The following DPYD variants were observed in gnomAD, a reference collection of about 807,000 sequenced individuals.
DPYD encodes the protein dihydropyrimidine dehydrogenase [NADP(+)].
Under a neutral mutation model 116.2 loss-of-function variants are expected in DPYD, and 109 were observed. The observed-to-expected ratio is 0.94, with a 90% CI of 0.80 to 1.10. The LOEUF is 1.10. Among genes scored for constraint, DPYD ranks in the 50% least tolerant of loss-of-function variants. DPYD has a pLI of 0.00. For synonymous variants in DPYD, 440 were observed against 432.0 expected (o/e 1.02, Z -0.23); for missense variants, 1,302 against 1,254.5 (o/e 1.04, Z -0.57).
intron 2 of DPYD, among the ~76,000 whole-genome samples, chr1:97,830,785 C>T (rs1251221373): frequency 6.6e-6 from 1 of 151,662 alleles, no homozygotes; most frequent in African/African-American, 2.4e-5. Flanking sequence ...TGAGTAGCCA[C>T]ACTGAGCGCT....
intron 5 of DPYD, among the ~76,000 whole-genome samples, chr1:97,705,902 T>A (rs1052508075): frequency 6.6e-6 from 1 of 152,124 alleles, no homozygotes; most frequent in African/African-American, 2.4e-5. Flanking sequence ...GAGCATTTTT[T>A]CATGTGTTTT....
At chr1:97,080,339 T>C (rs926196148) in intron 22 of DPYD, among the ~76,000 whole-genome samples, 4 of 152,114 alleles carry the variant, frequency 2.6e-5, no homozygotes, top group African/African-American at 9.7e-5. Flanking sequence ...CTCATACCAA[T>C]GTTATAATTC....
At chr1:97,257,566 T>C (rs1663582560) in intron 18 of DPYD, among the ~76,000 whole-genome samples, 1 of 151,660 alleles carries the variant, frequency 6.6e-6, no homozygotes, top group Non-Finnish European at 1.5e-5. Flanking sequence ...TATATATATA[T>C]TTGTGTATGT....
At chr1:97,510,128 A>T (rs1184266332) in intron 13 of DPYD, among the ~76,000 whole-genome samples, 1 of 151,866 alleles carries the variant, frequency 6.6e-6, no homozygotes, top group Non-Finnish European at 1.5e-5. Context: ...AAAAAAAAAA[A>T]ACTCAGAGGA....
chr1:97,674,993 T>C (rs1181431302), intron 8 of DPYD, among the ~76,000 whole-genome samples: 1 of 152,216 alleles, frequency 6.6e-6, no homozygotes, highest in African/African-American at 2.4e-5. Flanking sequence ...AGAGCCATAT[T>C]TAAAAAATAC....
chr1:97,822,236 C>CTATATA (rs972406547), intron 3 of DPYD, among the ~76,000 whole-genome samples: 2 of 148,884 alleles, frequency 1.3e-5, no homozygotes, highest in African/African-American at 4.9e-5. Context: ...CTCTCTCTCT[C>CTATATA]TATATATATA....
At chr1:97,487,575 A>G (rs1208652053) in intron 13 of DPYD, among the ~76,000 whole-genome samples, 1 of 152,114 alleles carries the variant, frequency 6.6e-6, no homozygotes, top group African/African-American at 2.4e-5. Flanking sequence ...CGGGAGGCTG[A>G]GGCAGGAGAA....
chr1:97,404,837 T>C (rs1673563322), intron 14 of DPYD, among the ~76,000 whole-genome samples: 1 of 152,108 alleles, frequency 6.6e-6, no homozygotes, highest in Non-Finnish European at 1.5e-5. Flanking sequence ...TGTTTTCTAT[T>C]TTTTTCTCTG....
chr1:97,811,824 G>A (rs904479388), intron 3 of DPYD, among the ~76,000 whole-genome samples: 2 of 151,984 alleles, frequency 1.3e-5, no homozygotes, highest in African/African-American at 4.8e-5. Context: ...TTCTTATAAA[G>A]CCTAATACCC....
chr1:97,815,997 A>G (rs761565011), intron 3 of DPYD, among the ~76,000 whole-genome samples: 31 of 152,182 alleles, frequency 2.0e-4, no homozygotes, highest in Non-Finnish European at 1.6e-4. Flanking sequence ...ATATCACAAC[A>G]GCTGTCACCA....
At chr1:97,535,410 A>G (rs1478590954) in intron 12 of DPYD, among the ~76,000 whole-genome samples, 1 of 152,088 alleles carries the variant, frequency 6.6e-6, no homozygotes, top group Non-Finnish European at 1.5e-5. Flanking sequence ...CTTCTACTCT[A>G]TTTGGACCAA....
At chr1:97,342,920 A>G (rs1238299176) in intron 16 of DPYD, among the ~76,000 whole-genome samples, 1 of 152,142 alleles carries the variant, frequency 6.6e-6, no homozygotes, top group Non-Finnish European at 1.5e-5. Context: ...ATTTATTTTT[A>G]TGATAGAGCA....
At chr1:97,391,661 T>C (rs1251752246) in intron 14 of DPYD, among the ~76,000 whole-genome samples, 2 of 152,002 alleles carry the variant, frequency 1.3e-5, no homozygotes, top group African/African-American at 4.8e-5. Flanking sequence ...TCACCATTTC[T>C]TCCCTGGATT....
intron 20 of DPYD, among the ~76,000 whole-genome samples, chr1:97,139,941 T>A (rs1654091003): frequency 6.6e-6 from 1 of 152,164 alleles, no homozygotes; most frequent in Non-Finnish European, 1.5e-5. Context: ...GAATGTTCTG[T>A]TTCCGCTACC....
intron 16 of DPYD, among the ~76,000 whole-genome samples, chr1:97,309,696 T>C (rs1032663259): frequency 5.9e-5 from 9 of 151,788 alleles, no homozygotes; most frequent in African/African-American, 1.4e-4. Context: ...AATAGATTCC[T>C]ATGAAAATCA....
At chr1:97,608,640 C>G (rs1462575472) in intron 8 of DPYD, among the ~76,000 whole-genome samples, 5 of 151,744 alleles carry the variant, frequency 3.3e-5, no homozygotes, top group Non-Finnish European at 2.9e-5. Context: ...CCTCACCTGA[C>G]CTAAGTGCTC....
chr1:97,917,240 C>T (rs370790661), intron 1 of DPYD, among the ~76,000 whole-genome samples: 151 of 152,258 alleles, frequency 9.9e-4, no homozygotes, highest in African/African-American at 3.4e-3. Flanking sequence ...ATAAACAACT[C>T]ATGGCTTTGT....
At chr1:97,517,912 A>G (rs550346227) in intron 12 of DPYD, among the ~76,000 whole-genome samples, 2 of 152,038 alleles carry the variant, frequency 1.3e-5, no homozygotes, top group South Asian at 2.1e-4. Context: ...TGAAATATCT[A>G]TTTTTTTCAA....
At position 97,707,289 on chromosome 1, in the gene DPYD, G is replaced by A. The variant is rs72977717; in HGVS notation, c.484-7742C>T. Among the ~76,000 whole-genome samples the A allele has an allele frequency of 5.0e-3, 757 of 151,878 alleles. 4 individuals carry two copies. Among genetic ancestry groups the A allele is most frequent in the African/African-American group, 0.017 (718 of 41,332 alleles). Reference sequence around the variant, plus strand: ...TACCTATGACCAGAAAGCAGCTTATGAGCATATATTTTTTTTATTATACTT... The same window carrying A: ...TACCTATGACCAGAAAGCAGCTTATAAGCATATATTTTTTTTATTATACTT... On this transcript the variant is annotated intron_variant, in intron 5 of 22. Transcript: ENST00000370192.
Sources: allele counts gnomAD v4.1 joint callset (sites outside exome capture counted in the v4.1 genomes callset), GRCh38; gene constraint gnomAD v4.1.1; transcripts MANE v1.5; gene names NCBI Gene and HGNC (gene_info 2026-07-23, HGNC 2026-07-21).